DLG2: variants seen among roughly 807,000 people sequenced by gnomAD.
The protein encoded by DLG2 is disks large homolog 2.
Under a neutral mutation model 132.5 loss-of-function variants are expected in DLG2, and 45 were observed. That is an observed-to-expected ratio of 0.34 (90% CI 0.27 to 0.44). The LOEUF (loss-of-function observed/expected upper bound fraction) is 0.44. Ranked by LOEUF, DLG2 falls within the 20% of genes least tolerant of loss-of-function variation. The pLI, the probability that DLG2 is intolerant of heterozygous loss-of-function variation, is 1.00. For synonymous variants in DLG2, 424 were observed against 419.6 expected, an observed-to-expected ratio of 1.01 and a Z score of -0.13; for missense variants, 1,045 against 1,196.9, an observed-to-expected ratio of 0.87 and a Z score of 1.87.
chr11:83,794,044 T>G (rs1389415085), intron 17 of DLG2, among the ~76,000 whole-genome samples: 1 of 152,184 alleles, frequency 6.6e-6, no homozygotes, highest in Non-Finnish European at 1.5e-5. Context: ...CAAGCGCTCC[T>G]CTTGCCAAGC....
At chr11:83,904,706 A>T (rs10898178) in intron 15 of DLG2, among the ~76,000 whole-genome samples, 3 of 151,338 alleles carry the variant, frequency 2.0e-5, no homozygotes, top group Admixed American at 2.0e-4. Context: ...GCATTTCTCC[A>T]TAGTAAAGAC....
chr11:84,276,308 A>G (rs998415800), intron 7 of DLG2, among the ~76,000 whole-genome samples: 1 of 152,204 alleles, frequency 6.6e-6, no homozygotes. Flanking sequence ...ATTATTTTTC[A>G]TTAAGCAAAT....
chr11:83,483,381 G>A, intron 22 of DLG2: 2 of 1,038,992 alleles, frequency 1.9e-6, no homozygotes, highest in Non-Finnish European at 3.0e-6. Context: ...GAGTTGAAAT[G>A]AATACTACCA....
chr11:84,765,725 G>T lies in DLG2; in HGVS notation c.358-230994C>A, dbSNP rs1424816983. ...ATCCTACTACTGAAAAATAAATGAA[G>T]TTAAAAAACATAAAAGTAATTTACA... On this transcript the variant is annotated intron_variant, in intron 6 of 27. Transcript: ENST00000376104. Among the ~76,000 whole-genome samples the T allele has an allele frequency of 2.6e-5, 4 of 152,066 alleles. No homozygotes were observed. The East Asian group carries it at 7.7e-4, about 29-fold the overall frequency.
chr11:84,206,007 G>A (rs76968989), intron 8 of DLG2, among the ~76,000 whole-genome samples: 6,407 of 152,034 alleles, frequency 0.042, 399 homozygotes, highest in African/African-American at 0.14. Flanking sequence ...ACATCATTAC[G>A]AGTCTTAAAT....
chr11:85,086,278 C>T (rs1379904337), intron 6 of DLG2, among the ~76,000 whole-genome samples: 1 of 152,078 alleles, frequency 6.6e-6, no homozygotes, highest in Non-Finnish European at 1.5e-5. Context: ...TATCCAATTT[C>T]TTTTAGGGTT....
intron 19 of DLG2, 63 bp downstream of exon 19, chr11:83,633,148 G>T: frequency 6.9e-7 from 1 of 1,448,294 alleles, no homozygotes; most frequent in Non-Finnish European, 9.7e-7. Context: ...ACATGGTGTT[G>T]CCTTTGTTTT....
chr11:85,357,675 A>G (rs1416105952), intron 3 of DLG2, among the ~76,000 whole-genome samples: 1 of 139,330 alleles, frequency 7.2e-6, no homozygotes. Flanking sequence ...GCTACTATAT[A>G]TGTACAATAC....
intron 2 of DLG2, among the ~76,000 whole-genome samples, chr11:85,610,111 G>A (rs374105132): frequency 4.3e-4 from 65 of 152,244 alleles, no homozygotes; most frequent in East Asian, 3.9e-3. Flanking sequence ...AAAAATGCCC[G>A]CCCAGTCCAA....
At chr11:84,686,338 A>T (rs2099738138) in intron 6 of DLG2, among the ~76,000 whole-genome samples, 1 of 152,210 alleles carries the variant, frequency 6.6e-6, no homozygotes, top group Admixed American at 6.5e-5. Flanking sequence ...CTTCCTTGTT[A>T]ACATCAATTT....
At chr11:83,906,055 C>CTG (rs1404262745) in intron 15 of DLG2, among the ~76,000 whole-genome samples, 36 of 47,738 alleles carry the variant, frequency 7.5e-4, no homozygotes, top group African/African-American at 3.1e-3. Flanking sequence ...GTCTGTCTGT[C>CTG]TCTCTCTCTC....
At chr11:83,879,051 T>C (rs11233773) in intron 15 of DLG2, among the ~76,000 whole-genome samples, 42,950 of 151,994 alleles carry the variant, frequency 0.28, 6,382 homozygotes, top group East Asian at 0.4. Context: ...AAAAATGAAA[T>C]TTGAATGGTG....
chr11:84,413,592 A>G (rs1601695245), intron 7 of DLG2, among the ~76,000 whole-genome samples: 1 of 152,136 alleles, frequency 6.6e-6, no homozygotes, highest in African/African-American at 2.4e-5. Context: ...ATACAGTCAA[A>G]TCTCCAACCT....
intron 18 of DLG2, among the ~76,000 whole-genome samples, chr11:83,769,808 T>C (rs528982586): frequency 4.6e-5 from 7 of 152,094 alleles, no homozygotes; most frequent in Middle Eastern, 3.4e-3. Context: ...CAGGTGATTC[T>C]CCCATCTCGG....
intron 6 of DLG2, among the ~76,000 whole-genome samples, chr11:84,945,332 T>C (rs1449706186): frequency 6.6e-6 from 1 of 152,150 alleles, no homozygotes; most frequent in Non-Finnish European, 1.5e-5. Flanking sequence ...CACCGTGGTG[T>C]TCTTGAGTGA....
At chr11:84,272,504 G>A (rs2097737786) in intron 7 of DLG2, among the ~76,000 whole-genome samples, 1 of 151,784 alleles carries the variant, frequency 6.6e-6, no homozygotes, top group African/African-American at 2.4e-5. Flanking sequence ...CCTTATCTCG[G>A]CCTATCAAAT....
chr11:83,697,949 A>G (rs1008914349), intron 18 of DLG2, among the ~76,000 whole-genome samples: 9 of 152,208 alleles, frequency 5.9e-5, no homozygotes, highest in African/African-American at 2.2e-4. Flanking sequence ...GAACCTTGTT[A>G]TAGGCCAACT....
rs2073145265 is a variant in DLG2 at position 83,657,902 on chromosome 11, G to A, written c.1826-24577C>T. Among the ~76,000 whole-genome samples, 3 of 152,242 alleles carry A rather than the reference G, an allele frequency of 2.0e-5. No individual in the cohort carries two copies. The South Asian group carries it at 6.2e-4, about 32-fold the overall frequency. ...GCATTGGGCCAAGAGAACACCAATA[G>A]TTGCCTATAAAAAATAGACTCAGAT... On this transcript the variant is annotated intron_variant, in intron 18 of 27. Transcript: ENST00000376104.
chr11:84,013,547 T>C (rs1203919771), intron 11 of DLG2, among the ~76,000 whole-genome samples: 2 of 152,086 alleles, frequency 1.3e-5, no homozygotes, highest in Non-Finnish European at 2.9e-5. Flanking sequence ...ACCTCTTTAA[T>C]AGCCTACAGC....
Sources: allele counts gnomAD v4.1 joint callset (sites outside exome capture counted in the v4.1 genomes callset), GRCh38; gene constraint gnomAD v4.1.1; transcripts MANE v1.5; gene names NCBI Gene and HGNC (gene_info 2026-07-23, HGNC 2026-07-21).